The following PALLD variants were observed in gnomAD, a reference collection of about 807,000 sequenced individuals.
PALLD encodes the protein palladin.
Under a neutral mutation model 123.5 loss-of-function variants are expected in PALLD, and 61 were observed. That is an observed-to-expected ratio of 0.49 (90% CI 0.40 to 0.61). PALLD has a LOEUF of 0.61. PALLD is among the 20% of genes least tolerant of loss of function. The pLI, the probability that PALLD is intolerant of heterozygous loss-of-function variation, is 0.00. For synonymous variants in PALLD, 465 were observed against 496.4 expected (o/e 0.94, Z 0.84); for missense variants, 1,273 against 1,377.0 (o/e 0.92, Z 1.20).
At position 168,793,975 on chromosome 4, in the gene PALLD, G is replaced by T. The variant is rs74334471; in HGVS notation, c.1964+82052G>T. Among the ~76,000 whole-genome samples the T allele has an allele frequency of 3.0e-4, 45 of 152,272 alleles. No homozygotes were observed. The East Asian group carries it at 8.1e-3, about 27-fold the overall frequency. Reference sequence around the variant, plus strand: ...CCAGGAAGGCCACGTTCTGCCTAGGGTATCCACCGGGGAGGCACAGGGTTG... The same window carrying T: ...CCAGGAAGGCCACGTTCTGCCTAGGTTATCCACCGGGGAGGCACAGGGTTG... On this transcript the variant is annotated intron_variant, in intron 10 of 21. Transcript: ENST00000505667.
chr4:168,511,785 C>A lies in PALLD; in HGVS notation c.281C>A (p.Pro94His), dbSNP rs1383807655. 2 of 1,614,146 alleles carry A rather than the reference C, an allele frequency of 1.2e-6. No homozygotes were observed. Among genetic ancestry groups the A allele is most frequent in the Admixed American group, 1.7e-5 (1 of 60,028 alleles). Residue 94 changes from proline to histidine, a missense_variant, in exon 2 of 22, where the codon CCT (proline) becomes CAT (histidine). This residue lies in a region of PALLD where 944 missense variants were observed against 954.5 expected (regional missense o/e 0.99). Transcript: ENST00000505667. Reference sequence around the variant, plus strand: ...TTGGGTGAACACGCCTCGAGGAGACCTCAGGATAACAGGTCAACACCTGTC... The same window carrying A: ...TTGGGTGAACACGCCTCGAGGAGACATCAGGATAACAGGTCAACACCTGTC... Reference protein sequence around the residue: ...TKLGEHASRRPQDNRSTPVQP... With the variant: ...TKLGEHASRRHQDNRSTPVQP...
chr4:168,522,428 T>C (rs1329563734), intron 2 of PALLD, among the ~76,000 whole-genome samples: 1 of 152,262 alleles, frequency 6.6e-6, no homozygotes, highest in African/African-American at 2.4e-5. Flanking sequence ...AATAGTTGTT[T>C]TGAAAGAATT....
intron 2 of PALLD, among the ~76,000 whole-genome samples, chr4:168,630,093 T>G (rs1302916194): frequency 6.6e-6 from 1 of 152,224 alleles, no homozygotes; most frequent in Non-Finnish European, 1.5e-5. Flanking sequence ...GGCATTTTAA[T>G]TAATACAATG....
intron 10 of PALLD, chr4:168,877,815 C>A: frequency 7.9e-7 from 1 of 1,259,992 alleles, no homozygotes; most frequent in Non-Finnish European, 9.9e-7. Context: ...CGCAGCGCGC[C>A]GCCCTCGCCC....
intron 10 of PALLD, among the ~76,000 whole-genome samples, chr4:168,760,625 A>G (rs1732698557): frequency 6.6e-6 from 1 of 152,170 alleles, no homozygotes; most frequent in Non-Finnish European, 1.5e-5. Flanking sequence ...GATTTTTACT[A>G]CTTCCCTCTG....
chr4:168,513,599 C>T (rs369189230), intron 2 of PALLD, among the ~76,000 whole-genome samples: 14 of 152,128 alleles, frequency 9.2e-5, no homozygotes, highest in African/African-American at 3.4e-4. Context: ...TTAAATAATA[C>T]ATGGGGAAAA....
At chr4:168,670,449 G>A (rs548269827) in intron 3 of PALLD, among the ~76,000 whole-genome samples, 10 of 151,982 alleles carry the variant, frequency 6.6e-5, no homozygotes, top group Middle Eastern at 3.4e-3. Context: ...AAAGCCGGGC[G>A]CGGGCCGGGC....
intron 10 of PALLD, among the ~76,000 whole-genome samples, chr4:168,781,991 T>C (rs1174714335): frequency 6.6e-6 from 1 of 152,142 alleles, no homozygotes; most frequent in East Asian, 1.9e-4. Flanking sequence ...ATGCTGTCTC[T>C]ACCTGCCTTC....
intron 8 of PALLD, among the ~76,000 whole-genome samples, chr4:168,693,574 C>G (rs1335322949): frequency 6.6e-6 from 1 of 152,168 alleles, no homozygotes; most frequent in African/African-American, 2.4e-5. Context: ...ATAGTTAGAT[C>G]TGAAAGCGTT....
chr4:168,846,086 T>C (rs1297853867), intron 10 of PALLD, among the ~76,000 whole-genome samples: 3 of 152,218 alleles, frequency 2.0e-5, no homozygotes, highest in Non-Finnish European at 4.4e-5. Context: ...CAATACCAAG[T>C]CCTCTTCTCT....
intron 10 of PALLD, among the ~76,000 whole-genome samples, chr4:168,746,440 A>G (rs1451772066): frequency 6.9e-6 from 1 of 145,798 alleles, no homozygotes; most frequent in African/African-American, 2.5e-5. Flanking sequence ...TAGTGCTGGT[A>G]GTAACACCTG....
intron 13 of PALLD, chr4:168,898,194 T>G: frequency 2.3e-6 from 1 of 433,654 alleles, no homozygotes; most frequent in Non-Finnish European, 4.3e-6. Flanking sequence ...GCTTTGCTTT[T>G]GCCTTTTTCT....
In PALLD at chr4:168,843,510, G is replaced by C. The variant is rs188718614; in HGVS notation, c.1965-47412G>C. 1.2e-3 allele frequency among the ~76,000 whole-genome samples: 176 copies of C among 152,284 alleles called. 1 individual carries two copies. Among genetic ancestry groups the C allele is most frequent in the African/African-American group, 3.9e-3 (163 of 41,556 alleles). Reference sequence around the variant, plus strand: ...TTGATATAATGCCGCAGTCATAGTTGTAGCCCATTATTCCAGGTAATAATG... The same window carrying C: ...TTGATATAATGCCGCAGTCATAGTTCTAGCCCATTATTCCAGGTAATAATG... On this transcript the variant is annotated intron_variant, in intron 10 of 21. Coordinates refer to ENST00000505667, the MANE Select transcript of PALLD (RefSeq NM_001166108.2).
At chr4:168,584,212 C>CA (rs1770577524) in intron 2 of PALLD, among the ~76,000 whole-genome samples, 1 of 102,376 alleles carries the variant, frequency 9.8e-6, no homozygotes, top group African/African-American at 3.9e-5. Flanking sequence ...CTAAGACCAT[C>CA]AGGTTTTTTT....
At chr4:168,745,010 A>T (rs10155223) in intron 10 of PALLD, among the ~76,000 whole-genome samples, 79,636 of 151,420 alleles carry the variant, frequency 0.53, 21,055 homozygotes, top group East Asian at 0.62. Context: ...GAGCATCTGT[A>T]TAGGCTTTGG....
At chr4:168,641,212 A>C (rs994100065) in intron 2 of PALLD, among the ~76,000 whole-genome samples, 1 of 150,760 alleles carries the variant, frequency 6.6e-6, no homozygotes, top group African/African-American at 2.4e-5. Context: ...CATCTCAAAA[A>C]AAAAAAAAAA....
At chr4:168,555,337 A>G (rs570165377) in intron 2 of PALLD, among the ~76,000 whole-genome samples, 2 of 152,200 alleles carry the variant, frequency 1.3e-5, no homozygotes, top group Non-Finnish European at 2.9e-5. Flanking sequence ...TTGAGGCCTG[A>G]GAAAAATCCA....
intron 14 of PALLD, among the ~76,000 whole-genome samples, chr4:168,900,041 G>A (rs1280116235): frequency 3.9e-5 from 6 of 152,164 alleles, no homozygotes; most frequent in Admixed American, 1.3e-4. Flanking sequence ...TGGTGAAGGC[G>A]AAGGCGAAAA....
In PALLD at chr4:168,747,631, G is replaced by A. The variant is rs77086373; in HGVS notation, c.1964+35708G>A. Among the ~76,000 whole-genome samples the A allele has an allele frequency of 6.7e-3, 1,019 of 152,232 alleles. 12 individuals carry two copies. Among genetic ancestry groups the A allele is most frequent in the African/African-American group, 0.023 (961 of 41,534 alleles). On this transcript the variant is annotated intron_variant, in intron 10 of 21. Transcript: ENST00000505667. ...TGTAGAGAAAGAGACCCAAGACTTC[G>A]TAAAGCCATGGGATATGGAGTTGGG...
Sources: gnomAD v4.1 joint callset for allele counts (sites outside exome capture counted in the v4.1 genomes callset) on GRCh38, gnomAD v4.1.1 for gene constraint, gnomAD v4.1.1 regional missense constraint, MANE v1.5 for transcripts, NCBI Gene and HGNC (gene_info 2026-07-23, HGNC 2026-07-21) for gene names.